Variants in PITPNM3 observed in about 807,000 individuals in gnomAD.
The protein encoded by PITPNM3 is membrane-associated phosphatidylinositol transfer protein 3.
In PITPNM3, 26 loss-of-function variants were observed where a neutral mutation model predicts 102.0. That is an observed-to-expected ratio of 0.25 (90% CI 0.19 to 0.35). PITPNM3 has a LOEUF of 0.35. Among genes scored for constraint, PITPNM3 ranks in the 10% least tolerant of loss-of-function variants. The pLI, the probability that PITPNM3 is intolerant of heterozygous loss-of-function variation, is 1.00. For missense variants in PITPNM3, 1,083 were observed against 1,346.1 expected (o/e 0.80, Z 3.06); for synonymous variants, 578 against 558.6 (o/e 1.03, Z -0.49).
chr17:6,554,445 A>G (rs1252215315), intron 1 of PITPNM3, among the ~76,000 whole-genome samples: 1 of 152,100 alleles, frequency 6.6e-6, no homozygotes, highest in Non-Finnish European at 1.5e-5. Flanking sequence ...GGGGGGCAGG[A>G]GCCCAGGCAC....
At chr17:6,555,843 G>A (rs1567701104) in intron 1 of PITPNM3, among the ~76,000 whole-genome samples, 1 of 152,246 alleles carries the variant, frequency 6.6e-6, no homozygotes, top group Non-Finnish European at 1.5e-5. Flanking sequence ...GGGTCGATGG[G>A]GGAGGGGGCG....
In PITPNM3 at chr17:6,551,884, G is replaced by A. The variant is rs188412433; in HGVS notation, c.22+4501C>T. On this transcript the variant is annotated intron_variant, in intron 1 of 19. Coordinates refer to ENST00000262483, the MANE Select transcript of PITPNM3 (RefSeq NM_031220.4). ...GCTTTGGGAGGATGTGAGAGCACAC[G>A]CCCCACTCCAGGAGGACCCCAAAGG... Among the ~76,000 whole-genome samples the A allele has an allele frequency of 7.9e-5, 12 of 152,066 alleles. No individual in the cohort carries two copies. In the East Asian group the frequency reaches 1.4e-3, roughly 17 times the overall value.
chr17:6,517,052 G>A lies in PITPNM3; in HGVS notation c.226+8304C>T, dbSNP rs1407645135. Among the ~76,000 whole-genome samples, 1 of 152,130 alleles carries A rather than the reference G, an allele frequency of 6.6e-6. No individual in the cohort carries two copies. The highest frequency in any genetic ancestry group is 1.9e-4 in the East Asian group (1 of 5,200). Reference sequence around the variant, plus strand: ...GGAACGTGATAATGGAGGCAGATAAGCTCACATTCAAATGAGCAAGCAAAA... The same window carrying A: ...GGAACGTGATAATGGAGGCAGATAAACTCACATTCAAATGAGCAAGCAAAA... On this transcript the variant is annotated intron_variant, in intron 3 of 19. Coordinates refer to ENST00000262483, the MANE Select transcript of PITPNM3 (RefSeq NM_031220.4). The surrounding 1 kb of genome is among the most constrained non-coding windows in gnomAD (Gnocchi z 4.1).
chr17:6,471,387 C>T (rs374563437), intron 11 of PITPNM3, 32 bp from the exon 12 acceptor site: 4 of 1,521,226 alleles, frequency 2.6e-6, no homozygotes, highest in East Asian at 4.7e-5. Flanking sequence ...CAGGCTGAGT[C>T]ACGTGTCTCC....
chr17:6,532,904 T>A (rs141702006), intron 2 of PITPNM3, among the ~76,000 whole-genome samples: 125 of 152,266 alleles, frequency 8.2e-4, no homozygotes, highest in African/African-American at 3.0e-3. Flanking sequence ...AATGATTGTA[T>A]CATCATACAT....
At position 6,548,664 on chromosome 17, in the gene PITPNM3, A is replaced by T. The variant is rs1035051960; in HGVS notation, c.22+7721T>A. ...TCTCTGAAAGACAGACTCTAGAACA[A>T]GTGAAAGCCTTCCAGCTGTCAGCCC... On this transcript the variant is annotated intron_variant, in intron 1 of 19. Transcript: ENST00000262483. Among the ~76,000 whole-genome samples the T allele has an allele frequency of 2.0e-5, 3 of 152,120 alleles. No individual in the cohort carries two copies. In the South Asian group the frequency reaches 6.2e-4, roughly 32 times the overall value.
chr17:6,464,880 A>C, intron 14 of PITPNM3, 109 bp from the exon 15 acceptor site: 1 of 1,023,134 alleles, frequency 9.8e-7, no homozygotes, highest in Non-Finnish European at 1.5e-6. Context: ...TTGCTGAATC[A>C]TGTCTCTCTA....
rs552877095 is a variant in PITPNM3, at chr17:6,489,277, C to A, written c.275-4985G>T. Among the ~76,000 whole-genome samples, 4 of 152,286 alleles carry A rather than the reference C, an allele frequency of 2.6e-5. No homozygotes were observed. The South Asian group carries it at 8.3e-4, about 32-fold the overall frequency. On this transcript the variant is annotated intron_variant, in intron 4 of 19. Coordinates refer to ENST00000262483, the MANE Select transcript of PITPNM3 (RefSeq NM_031220.4). ...CACAGGGGTGGATGCTGAGGGCCCACTGGCTAAAGCCAAACACTCAGTCTC... is the reference window on the plus strand; with the variant it reads ...CACAGGGGTGGATGCTGAGGGCCCAATGGCTAAAGCCAAACACTCAGTCTC...
intron 16 of PITPNM3, 75 bp downstream of exon 16, chr17:6,464,095 A>T (rs773815883): frequency 8.2e-5 from 131 of 1,607,078 alleles, no homozygotes; most frequent in Non-Finnish European, 1.1e-4. Flanking sequence ...CAAGGACCCC[A>T]TCCTCTAGAC....
In PITPNM3 at chr17:6,517,448, A is replaced by T. The variant is rs1402066977; in HGVS notation, c.226+7908T>A. 6.6e-6 allele frequency among the ~76,000 whole-genome samples: 1 copy of T among 152,270 alleles called. No homozygotes were observed. The highest frequency in any genetic ancestry group is 1.9e-4 in the East Asian group (1 of 5,208). ...TGGCCAGGGGCCATGGGAGCTGGGG[A>T]GTTAGGAAGAGAAGGAAGAAAAAAG... On this transcript the variant is annotated intron_variant, in intron 3 of 19. Coordinates refer to ENST00000262483, the MANE Select transcript of PITPNM3 (RefSeq NM_031220.4). The surrounding 1 kb of genome is among the most constrained non-coding windows in gnomAD (Gnocchi z 4.1).
At chr17:6,506,031 G>A (rs1448377113) in intron 3 of PITPNM3, among the ~76,000 whole-genome samples, 1 of 152,172 alleles carries the variant, frequency 6.6e-6, no homozygotes, top group African/African-American at 2.4e-5. Flanking sequence ...AAGCGGGGGT[G>A]TGAGAGAGCA....
At chr17:6,473,067 C>A in intron 10 of PITPNM3, 1 of 575,346 alleles carries the variant, frequency 1.7e-6, no homozygotes. Context: ...ATCAGGCTTG[C>A]AGCTTTCCTT....
At chr17:6,462,428 C>G (rs889351721) in intron 17 of PITPNM3, among the ~76,000 whole-genome samples, 72 of 152,170 alleles carry the variant, frequency 4.7e-4, no homozygotes, top group Non-Finnish European at 1.6e-4. Context: ...TTTGCTGCCC[C>G]CTGAACAAAC....
chr17:6,525,507 G>A, intron 2 of PITPNM3, 44 bp from the exon 3 acceptor site: 2 of 1,448,818 alleles, frequency 1.4e-6, no homozygotes, highest in Non-Finnish European at 1.9e-6. Context: ...TGCAGCTAGG[G>A]ATAGGTAGCC....
In PITPNM3 at chr17:6,455,391, G is replaced by C; in HGVS notation, c.2872C>G (p.Leu958Val). 6.3e-7 allele frequency: 1 copy of C among 1,594,386 alleles called. No individual in the cohort carries two copies. The highest frequency in any genetic ancestry group is 1.7e-4 in the Middle Eastern group (1 of 5,990). ...PESDKDHERP[L>V]PALSWARGPP... ...CCACGCGCCCAGCTGAGCGCCGGCA[G>C]CGGCCGCTCGTGGTCTTTGTCCGAC... Residue 958 changes from leucine (L) to valine (V), a missense_variant, in exon 20 of 20, where the codon CTG becomes GTG. Leu to Val is a conservative substitution (Grantham distance 32, BLOSUM62 1). Coordinates refer to ENST00000262483, the MANE Select transcript of PITPNM3 (RefSeq NM_031220.4).
At chr17:6,508,340 C>T (rs539130787) in intron 3 of PITPNM3, among the ~76,000 whole-genome samples, 157 of 152,354 alleles carry the variant, frequency 1.0e-3, no homozygotes, top group African/African-American at 3.6e-3. Flanking sequence ...CACATGAAAT[C>T]GTTGGCTTCC....
Position 6,468,666 on chromosome 17 carries a change from G to C in PITPNM3, c.1774-325C>G, listed in dbSNP as rs1033511607. 1.3e-5 allele frequency among the ~76,000 whole-genome samples: 2 copies of C among 152,130 alleles called. No individual in the cohort carries two copies. Among genetic ancestry groups the C allele is most frequent in the African/African-American group, 4.8e-5 (2 of 41,426 alleles). On this transcript the variant is annotated intron_variant, in intron 13 of 19. Transcript: ENST00000262483. This position sits in a 1 kb window ranked among gnomAD's most constrained non-coding sequence, Gnocchi z 5.2. ...GGTGGCCCTTTCTTAAGGCCGGCTT[G>C]AGTCCTGATCCCAGCCCCTCCTTGC...
At chr17:6,522,515 T>A (rs1399384047) in intron 3 of PITPNM3, among the ~76,000 whole-genome samples, 1 of 151,946 alleles carries the variant, frequency 6.6e-6, no homozygotes, top group Non-Finnish European at 1.5e-5. Flanking sequence ...TAGCAGGAGG[T>A]TACCAAAAAT....
At chr17:6,519,495 G>A (rs574216816) in intron 3 of PITPNM3, among the ~76,000 whole-genome samples, 3 of 151,534 alleles carry the variant, frequency 2.0e-5, no homozygotes, top group African/African-American at 7.3e-5. Flanking sequence ...CTCCAGCCTG[G>A]GCGACAGAGT....
Sources: gnomAD v4.1 joint callset for allele counts (sites outside exome capture counted in the v4.1 genomes callset) on GRCh38, gnomAD v4.1.1 for gene constraint, Gnocchi (gnomAD v3.1) non-coding constraint, MANE v1.5 for transcripts, NCBI Gene and HGNC (gene_info 2026-07-23, HGNC 2026-07-21) for gene names.